L3MBTL3: variants seen among roughly 807,000 people sequenced by gnomAD.
L3MBTL3 encodes lethal(3)malignant brain tumor-like protein 3.
In L3MBTL3, 27 loss-of-function variants were observed where a neutral mutation model predicts 102.3. That is an observed-to-expected ratio of 0.26 (90% CI 0.19 to 0.36). L3MBTL3 has a LOEUF of 0.36. Among genes scored for constraint, L3MBTL3 ranks in the 10% least tolerant of loss-of-function variants. The pLI is 1.00. For synonymous variants in L3MBTL3, 340 were observed against 320.9 expected, an observed-to-expected ratio of 1.06 and a Z score of -0.64; for missense variants, 798 against 955.3, an observed-to-expected ratio of 0.84 and a Z score of 2.17.
chr6:130,127,931 T>C (rs556372312), intron 20 of L3MBTL3, among the ~76,000 whole-genome samples: 1 of 152,300 alleles, frequency 6.6e-6, no homozygotes, highest in South Asian at 2.1e-4. Context: ...AAAATCAAAA[T>C]TATGTGTAAT....
At chr6:130,053,044 G>A (rs1397333675) in intron 7 of L3MBTL3, 53 bp downstream of exon 7, 1 of 1,383,388 alleles carries the variant, frequency 7.2e-7, no homozygotes. Context: ...TTAGTGGGTA[G>A]CATCACAGTC....
In L3MBTL3 at chr6:130,037,846, C is replaced by T. The variant is rs190310793; in HGVS notation, c.-15-4839C>T. On this transcript the variant is annotated intron_variant, in intron 2 of 22. Transcript: ENST00000361794. ...AGTAAATTATTTTTAACTATATTCA[C>T]CCCCTGTGCTATAGAATACTAGAAC... Among the ~76,000 whole-genome samples the T allele has an allele frequency of 1.1e-3, 167 of 152,172 alleles. 2 individuals are homozygous for T. The highest frequency in any genetic ancestry group is 3.8e-3 in the African/African-American group (156 of 41,556).
intron 14 of L3MBTL3, among the ~76,000 whole-genome samples, chr6:130,080,807 A>T (rs1783291105): frequency 6.6e-6 from 1 of 152,264 alleles, no homozygotes; most frequent in African/African-American, 2.4e-5. Context: ...TGCCACTATT[A>T]AAAAATGCAA....
chr6:130,085,932 T>A (rs1783654497), intron 15 of L3MBTL3, among the ~76,000 whole-genome samples: 1 of 151,978 alleles, frequency 6.6e-6, no homozygotes, highest in Admixed American at 6.6e-5. Context: ...TTTGTATTTT[T>A]AATAGAGACA....
intron 5 of L3MBTL3, among the ~76,000 whole-genome samples, chr6:130,050,590 C>T (rs1394046295): frequency 6.6e-6 from 1 of 152,200 alleles, no homozygotes; most frequent in African/African-American, 2.4e-5. Flanking sequence ...TTGCATGTAT[C>T]ACATTTTATT....
intron 9 of L3MBTL3, among the ~76,000 whole-genome samples, chr6:130,059,796 C>T (rs1026968039): frequency 2.6e-5 from 4 of 152,042 alleles, no homozygotes; most frequent in Middle Eastern, 3.2e-3. Flanking sequence ...TGCATGAGGT[C>T]GAGCATCTTT....
In L3MBTL3 at chr6:130,048,804, A is replaced by G. The variant is rs532091846; in HGVS notation, c.103-478A>G. ...GGATGTTCAGGCCATTATTTCTGGC[A>G]TAGGGATATTCCTTCTCTCTGAACT... On this transcript the variant is annotated intron_variant, in intron 3 of 22. Transcript: ENST00000361794. Among the ~76,000 whole-genome samples, 9 of 152,338 alleles carry G rather than the reference A, an allele frequency of 5.9e-5. No individual in the cohort carries two copies. In the South Asian group the frequency reaches 1.9e-3, roughly 32 times the overall value.
chr6:130,119,488 A>G (rs750284654), intron 19 of L3MBTL3, among the ~76,000 whole-genome samples: 1 of 152,196 alleles, frequency 6.6e-6, no homozygotes, highest in Non-Finnish European at 1.5e-5. Context: ...CACAATTTTT[A>G]TCAATACTTC....
intron 2 of L3MBTL3, among the ~76,000 whole-genome samples, chr6:130,040,216 C>G (rs1318855853): frequency 6.6e-6 from 1 of 151,578 alleles, no homozygotes; most frequent in Non-Finnish European, 1.5e-5. Flanking sequence ...TAATCCCCAG[C>G]TACTGAGGAG....
intron 8 of L3MBTL3, among the ~76,000 whole-genome samples, chr6:130,055,896 C>T (rs144616816): frequency 1.3e-5 from 2 of 150,598 alleles, no homozygotes; most frequent in African/African-American, 2.4e-5. Flanking sequence ...CTTCCCTTCC[C>T]TTCTGTCCCC....
chr6:130,107,463 A>C (rs934968080), intron 19 of L3MBTL3, among the ~76,000 whole-genome samples: 2 of 152,226 alleles, frequency 1.3e-5, no homozygotes, highest in Non-Finnish European at 2.9e-5. Context: ...AAAAGAATTT[A>C]ATGCCTTAAA....
intron 19 of L3MBTL3, among the ~76,000 whole-genome samples, chr6:130,118,409 T>C (rs1222014822): frequency 6.6e-6 from 1 of 152,198 alleles, no homozygotes; most frequent in African/African-American, 2.4e-5. Flanking sequence ...TGTTTCCACA[T>C]GTCTGGATGT....
At position 130,140,248 on chromosome 6, in the gene L3MBTL3, T is replaced by C. The variant is rs144807083; in HGVS notation, c.*495T>C. ...TCTGTATTGTTAATTTTGTGCCATA[T>C]TTTGAATTGCAACATTATGCTAAGT... is the stretch of plus-strand genomic sequence containing the variant. On this transcript the variant is annotated 3_prime_UTR_variant, in exon 23 of 23. Transcript: ENST00000361794. The C allele has an allele frequency of 1.3e-5, 2 of 153,882 alleles. No homozygotes were observed. Among genetic ancestry groups the C allele is most frequent in the East Asian group, 3.8e-4 (2 of 5,202 alleles). The allele number at this position is 153,882 out of a possible 1,614,324, so 9.5% of individuals were successfully genotyped here.
chr6:130,108,504 A>G (rs562648136), intron 19 of L3MBTL3, among the ~76,000 whole-genome samples: 1 of 152,028 alleles, frequency 6.6e-6, no homozygotes, highest in Non-Finnish European at 1.5e-5. Flanking sequence ...AATTGCTGGG[A>G]TTACAGGCAT....
intron 19 of L3MBTL3, among the ~76,000 whole-genome samples, chr6:130,118,461 C>T (rs896664791): frequency 1.3e-5 from 2 of 152,160 alleles, no homozygotes; most frequent in African/African-American, 4.8e-5. Context: ...TCTATTCACC[C>T]ATCTGTTTCA....
Position 130,133,640 on chromosome 6 carries a change from G to A in L3MBTL3, c.2136+19G>A. The A allele has an allele frequency of 2.5e-6, 4 of 1,610,996 alleles. No individual in the cohort carries two copies. The highest frequency in any genetic ancestry group is 3.4e-6 in the Non-Finnish European group (4 of 1,179,602). ...AGACGAGGTATATTTTATTTTCTTTGCTGCCCGACACCAGATACAGGATTA... is the reference window on the plus strand; with the variant it reads ...AGACGAGGTATATTTTATTTTCTTTACTGCCCGACACCAGATACAGGATTA... On this transcript the variant is annotated intron_variant, in intron 21 of 22. Transcript: ENST00000361794. The surrounding 1 kb of genome is among the most constrained non-coding windows in gnomAD (Gnocchi z 4.9).
chr6:130,091,950 A>G (rs1784078458), intron 16 of L3MBTL3, among the ~76,000 whole-genome samples: 1 of 152,020 alleles, frequency 6.6e-6, no homozygotes. Flanking sequence ...CTGGTAGCAC[A>G]TTAGGGTGAC....
intron 20 of L3MBTL3, among the ~76,000 whole-genome samples, chr6:130,131,066 A>G (rs1260114652): frequency 6.6e-6 from 1 of 152,224 alleles, no homozygotes; most frequent in Non-Finnish European, 1.5e-5. Context: ...AAATGACAAA[A>G]TATTAATGAG....
At chr6:130,057,925 C>T (rs557983500) in intron 9 of L3MBTL3, among the ~76,000 whole-genome samples, 50 of 151,942 alleles carry the variant, frequency 3.3e-4, no homozygotes, top group Non-Finnish European at 4.9e-4. Flanking sequence ...GGGTGGATCA[C>T]GAGGTCAGGA....
Sources: allele counts gnomAD v4.1 joint callset (sites outside exome capture counted in the v4.1 genomes callset), GRCh38; gene constraint gnomAD v4.1.1; non-coding constraint Gnocchi (gnomAD v3.1); transcripts MANE v1.5; gene names NCBI Gene and HGNC (gene_info 2026-07-23, HGNC 2026-07-21).